The following ZNF43 variants were observed in gnomAD, a reference collection of about 807,000 sequenced individuals.
ZNF43 encodes the protein zinc finger protein 39-like 1 (KOX 27).
ZNF43 carries 44 observed loss-of-function variants against 68.4 expected under a neutral mutation model. The observed-to-expected ratio is 0.64, with a 90% CI of 0.51 to 0.83. The LOEUF (loss-of-function observed/expected upper bound fraction) is 0.83. Ranked by LOEUF, ZNF43 falls within the 40% of genes least tolerant of loss-of-function variation. ZNF43 has a pLI of 0.00. For missense variants in ZNF43, 896 were observed against 933.2 expected, an observed-to-expected ratio of 0.96 and a Z score of 0.52; for synonymous variants, 308 against 307.8, an observed-to-expected ratio of 1.00 and a Z score of -0.01.
At chr19:21,843,281 G>A in intron 1 of ZNF43, 1 of 782,474 alleles carries the variant, frequency 1.3e-6, no homozygotes, top group Middle Eastern at 6.3e-4. Flanking sequence ...AGGCAGGAGA[G>A]TCAAATCGCT....
At chr19:21,834,867 A>G (rs2038618776) in intron 1 of ZNF43, among the ~76,000 whole-genome samples, 1 of 151,978 alleles carries the variant, frequency 6.6e-6, no homozygotes, top group South Asian at 2.1e-4. Flanking sequence ...AATAATTAAA[A>G]TATCTGTATC....
intron 1 of ZNF43, among the ~76,000 whole-genome samples, chr19:21,827,561 C>T (rs147355784): frequency 4.3e-4 from 65 of 150,908 alleles, no homozygotes; most frequent in African/African-American, 1.5e-3. Context: ...AGGGTTTCTC[C>T]ATGTTGGTCA....
intron 3 of ZNF43, among the ~76,000 whole-genome samples, chr19:21,811,310 T>G (rs1466270101): frequency 6.6e-6 from 1 of 151,920 alleles, no homozygotes; most frequent in Non-Finnish European, 1.5e-5. Context: ...GGCAGGTGGA[T>G]TTCCTGCTGA....
rs1468859577 is a variant in ZNF43, at chr19:21,809,588, T to C, written c.449A>G (p.Lys150Arg). 1 of 1,611,854 alleles carries C rather than the reference T, an allele frequency of 6.2e-7. No individual in the cohort carries two copies. Residue 150 changes from lysine (K) to arginine (R), a missense_variant, in exon 4 of 4, where the codon AAA (lysine) becomes AGA (arginine). Coordinates refer to ENST00000354959, the MANE Select transcript of ZNF43 (RefSeq NM_003423.4). Reference protein sequence around the residue: ...ATQSKIFLFDKCVKAFHKFSN... With the variant: ...ATQSKIFLFDRCVKAFHKFSN... ...AAATTTATGAAAGGCTTTCACACAT[T>C]TATCAAATAGAAATATTTTGCTCTG...
In ZNF43 at chr19:21,806,524, T is replaced by C. The variant is rs537949492; in HGVS notation, c.*1083A>G. ...AAAAATGTTTTAAATAATGCCCACC[T>C]AATAAAAGAATCTCTCATATCTTTG... is the stretch of plus-strand genomic sequence containing the variant. On this transcript the variant is annotated 3_prime_UTR_variant, in exon 4 of 4. Transcript: ENST00000354959. 1.3e-5 allele frequency: 2 copies of C among 152,290 alleles called. No homozygotes were observed. Among genetic ancestry groups the C allele is most frequent in the South Asian group, 2.1e-4 (1 of 4,834 alleles). The allele number at this position is 152,290 out of a possible 1,614,324, so 9.4% of individuals were successfully genotyped here.
intron 3 of ZNF43, among the ~76,000 whole-genome samples, chr19:21,815,419 T>C (rs11667835): frequency 0.17 from 25,437 of 150,536 alleles, 2,474 homozygotes; most frequent in Non-Finnish European, 0.22. Flanking sequence ...GTAGATGCTA[T>C]ACTTACAAAA....
In ZNF43 at chr19:21,814,704, G is replaced by A. The variant is rs571347016; in HGVS notation, c.229+3184C>T. ...ATTGCAGGCGTGAGCCACCGTGCCC[G>A]GCCAATTAAAGCCCAATATGGGATT... On this transcript the variant is annotated intron_variant, in intron 3 of 3. Transcript: ENST00000354959. Among the ~76,000 whole-genome samples the A allele has an allele frequency of 2.3e-4, 35 of 151,790 alleles. 1 individual carries two copies. Among genetic ancestry groups the A allele is most frequent in the East Asian group, 1.2e-3 (6 of 5,134 alleles).
chr19:21,836,213 T>C, upstream of ZNF43: 4 of 1,483,200 alleles, frequency 2.7e-6, no homozygotes, highest in South Asian at 1.3e-5. Context: ...GAAGCCGCCC[T>C]GTCCTCTCCT....
In ZNF43 at chr19:21,809,167, T is replaced by C. The variant is rs2037147562; in HGVS notation, c.870A>G (p.Glu290=). Residue 290 remains glutamate (E), a synonymous_variant, in exon 4 of 4, where the codon GAA becomes GAG. Transcript: ENST00000354959. ...AGGATTGGTTAAAAGCTTTGGCACATTCTTTACATTTGTAGAATTTCTCTC... is the reference window on the plus strand; with the variant it reads ...AGGATTGGTTAAAAGCTTTGGCACACTCTTTACATTTGTAGAATTTCTCTC... ...RTGEKFYKCK[E]CAKAFNQSSN... is the part of the protein sequence containing the mutation. The C allele has an allele frequency of 1.2e-6, 2 of 1,613,544 alleles. No individual in the cohort carries two copies. Among genetic ancestry groups the C allele is most frequent in the Non-Finnish European group, 1.7e-6 (2 of 1,179,786 alleles).
At chr19:21,851,937 T>A in exon 1 of ZNF43, 1 of 1,571,168 alleles carries the variant, frequency 6.4e-7, no homozygotes, top group East Asian at 2.3e-5. Context: ...CCGGGCATCT[T>A]AGCTGTGCGT....
At chr19:21,817,423 ATTT>A (rs2037583344) in intron 3 of ZNF43, among the ~76,000 whole-genome samples, 1 of 152,242 alleles carries the variant, frequency 6.6e-6, no homozygotes, top group Non-Finnish European at 1.5e-5. Flanking sequence ...ATTTCATATT[ATTT>A]AAAGGCTACA....
Position 21,809,691 on chromosome 19 carries a change from T to C in ZNF43, c.346A>G (p.Lys116Glu). 1 of 1,613,458 alleles carries C rather than the reference T, an allele frequency of 6.2e-7. No homozygotes were observed. Among genetic ancestry groups the C allele is most frequent in the Admixed American group, 1.7e-5 (1 of 59,878 alleles). Reference sequence around the variant, plus strand: ...CACTCATCCACACTTTTATGGTCTTTTTTTAAATGTACATTTTTATGTTCA... The same window carrying C: ...CACTCATCCACACTTTTATGGTCTTCTTTTAAATGTACATTTTTATGTTCA... ...NCEHKNVHLK[K>E]DHKSVDECKV... Residue 116 changes from lysine to glutamate, a missense_variant, in exon 4 of 4, where the codon AAA (lysine) becomes GAA (glutamate). Lys to Glu is a moderately conservative substitution (Grantham distance 56). Coordinates refer to ENST00000354959, the MANE Select transcript of ZNF43 (RefSeq NM_003423.4).
In ZNF43 at chr19:21,824,922, G is replaced by A. The variant is rs182276948; in HGVS notation, c.4-5701C>T. 3.9e-3 allele frequency among the ~76,000 whole-genome samples: 588 copies of A among 152,174 alleles called. 3 individuals carry two copies. The highest frequency in any genetic ancestry group is 0.014 in the African/African-American group (565 of 41,524). On this transcript the variant is annotated intron_variant, in intron 1 of 3. Transcript: ENST00000354959. ...AAGGCAAAAAAGAGGGGCAGAGAGT[G>A]GACTGGTACAAAGTTGTTTGTCAGC... is the stretch of plus-strand genomic sequence containing the variant.
chr19:21,832,343 T>C (rs189160014), intron 1 of ZNF43, among the ~76,000 whole-genome samples: 271 of 152,300 alleles, frequency 1.8e-3, no homozygotes, highest in Middle Eastern at 3.4e-3. Flanking sequence ...AAACTGAAAC[T>C]GGATGCTTTT....
intron 1 of ZNF43, among the ~76,000 whole-genome samples, chr19:21,833,972 A>G (rs2038554608): frequency 6.6e-6 from 1 of 151,984 alleles, no homozygotes; most frequent in South Asian, 2.1e-4. Context: ...GGTTGCAGTG[A>G]GCTGAGATGG....
intron 1 of ZNF43, among the ~76,000 whole-genome samples, chr19:21,829,429 G>A (rs1237097244): frequency 2.0e-5 from 3 of 151,832 alleles, no homozygotes; most frequent in African/African-American, 7.3e-5. Flanking sequence ...AATTTAATTC[G>A]TTCTTCGTAC....
rs149571562 is a variant in ZNF43, at chr19:21,808,629, T to C, written c.1408A>G (p.Thr470Ala). ...GKAFNQFSNL[T>A]THKRIHTAEK... ...GCAGTATGAATTCTCTTATGTGTAG[T>C]AAGGTTTGAGAACTGGTTAAAGGCT... Residue 470 changes from threonine to alanine, a missense_variant, in exon 4 of 4, where the codon ACT becomes GCT. Physicochemically the swap from Thr to Ala is moderately conservative, Grantham distance 58. Coordinates refer to ENST00000354959, the MANE Select transcript of ZNF43 (RefSeq NM_003423.4). 3.1e-6 allele frequency: 5 copies of C among 1,613,496 alleles called. No individual in the cohort carries two copies. Among genetic ancestry groups the C allele is most frequent in the Non-Finnish European group, 4.2e-6 (5 of 1,179,724 alleles).
intron 3 of ZNF43, among the ~76,000 whole-genome samples, chr19:21,814,571 G>C (rs912926319): frequency 6.6e-6 from 1 of 151,782 alleles, no homozygotes; most frequent in African/African-American, 2.4e-5. Context: ...CACTATGCCC[G>C]GCTAATTTTT....
intron 3 of ZNF43, 29 bp from the exon 4 acceptor site, chr19:21,809,836 C>T: frequency 1.3e-6 from 2 of 1,490,186 alleles, no homozygotes; most frequent in Non-Finnish European, 1.8e-6. Flanking sequence ...ACAAATTATT[C>T]CACTTGCTAG....
Sources: allele counts gnomAD v4.1 joint callset (sites outside exome capture counted in the v4.1 genomes callset), GRCh38; gene constraint gnomAD v4.1.1; transcripts MANE v1.5; gene names NCBI Gene and HGNC (gene_info 2026-07-23, HGNC 2026-07-21).